APOL3: variants seen among roughly 807,000 people sequenced by gnomAD.
APOL3 encodes the protein TNF-inducible protein CG12-1.
Under a neutral mutation model 11.6 loss-of-function variants are expected in APOL3, and 14 were observed. That is an observed-to-expected ratio of 1.21 (90% CI 0.80 to 1.89). The LOEUF (loss-of-function observed/expected upper bound fraction) is 1.89. Among genes scored for constraint, APOL3 ranks in the 40% most tolerant of loss-of-function variants. The pLI, the probability that APOL3 is intolerant of heterozygous loss-of-function variation, is 0.00. For missense variants in APOL3, 483 were observed against 492.1 expected, an observed-to-expected ratio of 0.98 and a Z score of 0.17; for synonymous variants, 192 against 190.6, an observed-to-expected ratio of 1.01 and a Z score of -0.06.
intron 1 of APOL3, among the ~76,000 whole-genome samples, chr22:36,158,780 G>C (rs2013317564): frequency 6.6e-6 from 1 of 152,122 alleles, no homozygotes; most frequent in African/African-American, 2.4e-5. Flanking sequence ...GGTGCTACTT[G>C]CACTCCAGCC....
At chr22:36,143,749 A>T (rs1373603775) in intron 2 of APOL3, among the ~76,000 whole-genome samples, 1 of 152,200 alleles carries the variant, frequency 6.6e-6, no homozygotes, top group African/African-American at 2.4e-5. Flanking sequence ...TCTCACTGTC[A>T]CATGTCACCA....
chr22:36,150,075 G>A (rs967947646), intron 1 of APOL3: 8 of 353,882 alleles, frequency 2.3e-5, no homozygotes, highest in Non-Finnish European at 4.5e-5. Flanking sequence ...GCCCCCCAAA[G>A]TCCTGCGATT....
At chr22:36,145,744 G>A (rs1449700133) in intron 1 of APOL3, 145 bp from the exon 3 acceptor site, 1 of 946,756 alleles carries the variant, frequency 1.1e-6, no homozygotes, top group African/African-American at 1.7e-5. Context: ...TATAGACTGA[G>A]TTGTGTGCCC....
chr22:36,155,059 A>T (rs1380489048), intron 1 of APOL3, among the ~76,000 whole-genome samples: 1 of 152,156 alleles, frequency 6.6e-6, no homozygotes, highest in East Asian at 1.9e-4. Flanking sequence ...GAATGAACTC[A>T]ACTGGTTCAA....
chr22:36,148,196 A>AT (rs1210780012), intron 1 of APOL3, among the ~76,000 whole-genome samples: 1 of 152,114 alleles, frequency 6.6e-6, no homozygotes, highest in South Asian at 2.1e-4. Context: ...TGGACCTCAG[A>AT]TTTTTCTTTG....
chr22:36,160,214 TC>T (rs1193378558), intron 1 of APOL3, among the ~76,000 whole-genome samples: 1 of 152,006 alleles, frequency 6.6e-6, no homozygotes, highest in African/African-American at 2.4e-5. Flanking sequence ...AAATCCTCTG[TC>T]CCCATCGGGC....
At chr22:36,142,607 A>T (rs539893905) in intron 2 of APOL3, among the ~76,000 whole-genome samples, 10 of 152,138 alleles carry the variant, frequency 6.6e-5, no homozygotes, top group Non-Finnish European at 1.3e-4. Flanking sequence ...GTTATGGGTG[A>T]TGGGTTTTGG....
intron 1 of APOL3, among the ~76,000 whole-genome samples, chr22:36,145,980 T>TTC (rs71193207): frequency 0.042 from 4,928 of 118,702 alleles, 304 homozygotes; most frequent in African/African-American, 0.13. Context: ...CTGTCTCTCT[T>TTC]TCTCTCTCTC....
At chr22:36,141,140 C>T (rs1355067542) in exon 3 of APOL3, 30 of 1,551,668 alleles carry the variant, frequency 1.9e-5, no homozygotes, top group Non-Finnish European at 2.5e-5. Flanking sequence ...AATAAAATGC[C>T]TGCATTTTGT....
intron 1 of APOL3, chr22:36,154,694 AT>A: frequency 2.1e-6 from 1 of 467,998 alleles, no homozygotes; most frequent in East Asian, 7.0e-5. Flanking sequence ...TTGTGAGCAA[AT>A]GAGACAGAGC....
intron 1 of APOL3, chr22:36,154,670 G>C (rs2012448133): frequency 2.1e-6 from 1 of 470,266 alleles, no homozygotes; most frequent in African/African-American, 2.0e-5. Flanking sequence ...ACCACACACA[G>C]GGTGACTCTG....
At chr22:36,145,081 T>A (rs1321221257) in intron 2 of APOL3, among the ~76,000 whole-genome samples, 1 of 147,646 alleles carries the variant, frequency 6.8e-6, no homozygotes, top group Non-Finnish European at 1.5e-5. Flanking sequence ...TCCCCAGCAA[T>A]CTTTTTAAAA....
At chr22:36,156,502 T>C (rs1168673439) in intron 1 of APOL3, among the ~76,000 whole-genome samples, 1 of 152,138 alleles carries the variant, frequency 6.6e-6, no homozygotes, top group Non-Finnish European at 1.5e-5. Flanking sequence ...CACAGTCACC[T>C]TGGGTCCAGG....
chr22:36,152,751 T>G (rs2146841595), intron 1 of APOL3, among the ~76,000 whole-genome samples: 1 of 152,304 alleles, frequency 6.6e-6, no homozygotes, highest in Non-Finnish European at 1.5e-5. Flanking sequence ...CTCCAGAGCA[T>G]GCACTCTCAC....
intron 2 of APOL3, among the ~76,000 whole-genome samples, chr22:36,144,499 G>A (rs921579735): frequency 1.3e-5 from 2 of 152,114 alleles, no homozygotes; most frequent in Admixed American, 6.5e-5. Context: ...CAGCCCCAGA[G>A]CTGTGCAGGG....
chr22:36,164,990 C>A (rs2013822128), upstream of APOL3: 1 of 152,110 alleles, frequency 6.6e-6, no homozygotes, highest in South Asian at 2.1e-4. Context: ...CTTAACATGA[C>A]AAATCACATT....
upstream of APOL3, chr22:36,160,977 C>T (rs2013662810): frequency 8.0e-7 from 1 of 1,244,138 alleles, no homozygotes; most frequent in Non-Finnish European, 1.1e-6. Context: ...CCACCTGCCT[C>T]CCATACTTAG....
chr22:36,147,872 G>A (rs1002343286), intron 1 of APOL3, among the ~76,000 whole-genome samples: 1 of 152,192 alleles, frequency 6.6e-6, no homozygotes, highest in Non-Finnish European at 1.5e-5. Context: ...CCCTTAAACT[G>A]CCAACTATGG....
chr22:36,145,414 AG>A (rs771249470), intron 2 of APOL3, 58 bp downstream of exon 3: 76 of 1,502,974 alleles, frequency 5.1e-5, no homozygotes, highest in Non-Finnish European at 7.0e-5. Flanking sequence ...AAACTAGCCC[AG>A]GGGAGATCAG....
Sources: allele counts gnomAD v4.1 joint callset (sites outside exome capture counted in the v4.1 genomes callset), GRCh38; gene constraint gnomAD v4.1.1; transcripts MANE v1.5; gene names NCBI Gene and HGNC (gene_info 2026-07-23, HGNC 2026-07-21).